The following CCDC7 variants were observed in gnomAD, a reference collection of about 807,000 sequenced individuals.
The protein encoded by CCDC7 is coiled-coil domain containing 7, also known as coiled-coil domain-containing protein 7.
In CCDC7, 183 loss-of-function variants were observed where a neutral mutation model predicts 196.9. That is an observed-to-expected ratio of 0.93 (90% CI 0.82 to 1.05). The LOEUF is 1.05. Ranked by LOEUF, CCDC7 falls within the 50% of genes least tolerant of loss-of-function variation. CCDC7 has a pLI of 0.00. For missense variants in CCDC7, 1,540 were observed against 1,482.2 expected, an observed-to-expected ratio of 1.04 and a Z score of -0.64; for synonymous variants, 525 against 484.6, an observed-to-expected ratio of 1.08 and a Z score of -1.10.
chr10:32,819,368 C>T (rs1387267634), intron 31 of CCDC7, among the ~76,000 whole-genome samples: 1 of 152,184 alleles, frequency 6.6e-6, no homozygotes, highest in African/African-American at 2.4e-5. Flanking sequence ...GGATTCATAG[C>T]TGAATTCTCC....
intron 20 of CCDC7, among the ~76,000 whole-genome samples, chr10:32,655,680 C>T (rs1591187099): frequency 1.3e-5 from 2 of 152,064 alleles, no homozygotes; most frequent in Middle Eastern, 6.8e-3. Flanking sequence ...GGGATGCCAC[C>T]CAAGTAGTGC....
At chr10:32,647,435 G>C (rs919527440) in intron 20 of CCDC7, among the ~76,000 whole-genome samples, 53 of 16,890 alleles carry the variant, frequency 3.1e-3, no homozygotes, top group African/African-American at 6.3e-3. Context: ...GTTGAGCCCT[G>C]GGGGGTAGAG....
chr10:32,764,682 C>T (rs2077995858), intron 28 of CCDC7, among the ~76,000 whole-genome samples: 1 of 151,974 alleles, frequency 6.6e-6, no homozygotes. Context: ...TAGGAGGGTC[C>T]AGAGGACACA....
chr10:32,693,085 A>T (rs1413978), intron 23 of CCDC7, among the ~76,000 whole-genome samples: 17,245 of 152,212 alleles, frequency 0.11, 1,150 homozygotes, highest in South Asian at 0.27. Flanking sequence ...CATGTCCAAT[A>T]GTGAGGGTTT....
intron 3 of CCDC7, among the ~76,000 whole-genome samples, chr10:32,459,301 A>C (rs2035071492): frequency 6.6e-6 from 1 of 152,052 alleles, no homozygotes; most frequent in Non-Finnish European, 1.5e-5. Context: ...GTTAGGTGAA[A>C]CTAACTCAGT....
intron 21 of CCDC7, 105 bp downstream of exon 22, chr10:32,664,266 T>C (rs1236266878): frequency 2.7e-6 from 1 of 370,622 alleles, no homozygotes; most frequent in Non-Finnish European, 4.8e-6. Flanking sequence ...TGTTTTAATA[T>C]ATAAATTGTG....
At chr10:32,562,336 G>C (rs1354029157) in intron 13 of CCDC7, among the ~76,000 whole-genome samples, 12 of 152,174 alleles carry the variant, frequency 7.9e-5, no homozygotes, top group Non-Finnish European at 1.0e-4. Context: ...AAGCCGGGCA[G>C]AGACACAACC....
chr10:32,732,540 CTCTA>C (rs1182577565), intron 28 of CCDC7, among the ~76,000 whole-genome samples: 2 of 152,082 alleles, frequency 1.3e-5, no homozygotes, highest in Non-Finnish European at 1.5e-5. Context: ...TTACTTATTT[CTCTA>C]TCTCTTTGTA....
In CCDC7 at chr10:32,465,941, A is replaced by C. The variant is rs549126972; in HGVS notation, c.510+2892A>C. On this transcript the variant is annotated intron_variant, in intron 5 of 41. Coordinates refer to ENST00000639629, the Ensembl canonical transcript of CCDC7. ...CATTCCTGACAACTCACTTCCATCT[A>C]TTCCTGATATTTAATCTATCCACAA... 6.6e-5 allele frequency among the ~76,000 whole-genome samples: 10 copies of C among 152,310 alleles called. No individual in the cohort carries two copies. The South Asian group carries it at 2.1e-3, about 32-fold the overall frequency.
At chr10:32,598,086 A>G (rs144132293) in intron 18 of CCDC7, among the ~76,000 whole-genome samples, 2,481 of 152,270 alleles carry the variant, frequency 0.016, 64 homozygotes, top group African/African-American at 0.056. Context: ...TTGTTCAGCT[A>G]TGCCCTGCCC....
At chr10:32,501,012 G>A (rs188805502) in intron 9 of CCDC7, among the ~76,000 whole-genome samples, 13 of 152,238 alleles carry the variant, frequency 8.5e-5, no homozygotes, top group Admixed American at 1.3e-4. Context: ...TCCAGCCTCC[G>A]CTCGGCATCA....
intron 20 of CCDC7, among the ~76,000 whole-genome samples, chr10:32,636,070 T>G (rs1186064310): frequency 6.6e-6 from 1 of 152,196 alleles, no homozygotes; most frequent in Non-Finnish European, 1.5e-5. Context: ...AGCATAAAGC[T>G]TATACTTCAA....
intron 18 of CCDC7, among the ~76,000 whole-genome samples, chr10:32,596,873 T>G (rs2138122221): frequency 6.6e-6 from 1 of 152,364 alleles, no homozygotes; most frequent in African/African-American, 2.4e-5. Flanking sequence ...TTCTGGCTTG[T>G]AGAGTTTCTG....
upstream of CCDC7, among the ~76,000 whole-genome samples, chr10:32,449,032 T>C (rs2032241925): frequency 1.3e-5 from 2 of 152,154 alleles, no homozygotes; most frequent in South Asian, 4.1e-4. Context: ...TTATCTGTTA[T>C]ATTTTTCATT....
intron 28 of CCDC7, among the ~76,000 whole-genome samples, chr10:32,766,905 G>A (rs2078401008): frequency 6.6e-6 from 1 of 152,076 alleles, no homozygotes; most frequent in Admixed American, 6.6e-5. Flanking sequence ...ACCAGGTACT[G>A]TGATTACTCG....
intron 18 of CCDC7, among the ~76,000 whole-genome samples, chr10:32,632,018 T>G (rs539669732): frequency 6.6e-6 from 1 of 152,244 alleles, no homozygotes; most frequent in South Asian, 2.1e-4. Flanking sequence ...AGGTTTATTA[T>G]TCCCTCTTTG....
chr10:32,818,424 A>G (rs1295139236), intron 31 of CCDC7, among the ~76,000 whole-genome samples: 2 of 152,206 alleles, frequency 1.3e-5, no homozygotes, highest in East Asian at 3.8e-4. Flanking sequence ...CATTAGACAG[A>G]TCAACGAGAC....
In CCDC7 at chr10:32,699,579, G is replaced by T. The variant is rs1327479021; in HGVS notation, c.2458+4587G>T. Among the ~76,000 whole-genome samples the T allele has an allele frequency of 7.4e-5, 11 of 149,162 alleles. 2 individuals are homozygous for T. The highest frequency in any genetic ancestry group is 2.6e-4 in the African/African-American group (10 of 38,544). On this transcript the variant is annotated intron_variant, in intron 24 of 41. Transcript: ENST00000639629. Reference sequence around the variant, plus strand: ...TTTGGGTATATACCCAGTAATGGGAGTGCTGGGTCAAATGGTATTTCTAGT... The same window carrying T: ...TTTGGGTATATACCCAGTAATGGGATTGCTGGGTCAAATGGTATTTCTAGT...
chr10:32,803,485 T>A (rs2085213367), intron 29 of CCDC7, among the ~76,000 whole-genome samples: 1 of 152,136 alleles, frequency 6.6e-6, no homozygotes, highest in Admixed American at 6.5e-5. Flanking sequence ...TTCTATATCA[T>A]TATATACTAA....
Sources: gnomAD v4.1 joint callset for allele counts (sites outside exome capture counted in the v4.1 genomes callset) on GRCh38, gnomAD v4.1.1 for gene constraint, MANE v1.5 for transcripts, NCBI Gene and HGNC (gene_info 2026-07-23, HGNC 2026-07-21) for gene names.